TMEM132C: variants seen among roughly 807,000 people sequenced by gnomAD.
TMEM132C encodes protein phosphatase 1, regulatory subunit 152.
In TMEM132C, 29 loss-of-function variants were observed where a neutral mutation model predicts 61.4. The observed-to-expected ratio is 0.47, with a 90% CI of 0.35 to 0.64. The LOEUF is 0.64. Ranked by LOEUF, TMEM132C falls within the 30% of genes least tolerant of loss-of-function variation. The pLI is 0.00. For synonymous variants in TMEM132C, 656 were observed against 633.1 expected, an observed-to-expected ratio of 1.04 and a Z score of -0.54; for missense variants, 1,408 against 1,476.9, an observed-to-expected ratio of 0.95 and a Z score of 0.76.
At chr12:128,692,659 C>A (rs1424224196) in intron 5 of TMEM132C, among the ~76,000 whole-genome samples, 2 of 152,178 alleles carry the variant, frequency 1.3e-5, no homozygotes, top group Non-Finnish European at 2.9e-5. Context: ...TTACCGGTCA[C>A]AGTCCGCCCA....
At chr12:128,543,571 A>C (rs1873839253) in intron 2 of TMEM132C, among the ~76,000 whole-genome samples, 1 of 152,122 alleles carries the variant, frequency 6.6e-6, no homozygotes, top group South Asian at 2.1e-4. Flanking sequence ...CCACACACAC[A>C]GCCATGACAA....
intron 1 of TMEM132C, among the ~76,000 whole-genome samples, chr12:128,396,785 C>T (rs904632905): frequency 1.7e-4 from 26 of 152,160 alleles, no homozygotes; most frequent in Non-Finnish European, 3.1e-4. Flanking sequence ...GATTGGAGCC[C>T]GGTGGGCTGG....
intron 3 of TMEM132C, among the ~76,000 whole-genome samples, chr12:128,585,779 C>T (rs891121189): frequency 2.6e-5 from 4 of 152,188 alleles, no homozygotes; most frequent in Admixed American, 2.6e-4. Context: ...TCCATGAAAT[C>T]GGCCCGTCGC....
Position 128,444,887 on chromosome 12 carries a change from G to T in TMEM132C, c.974+29267G>T, listed in dbSNP as rs557922231. Among the ~76,000 whole-genome samples the T allele has an allele frequency of 1.7e-3, 266 of 152,270 alleles. 1 individual carries two copies. The highest frequency in any genetic ancestry group is 3.1e-3 in the Non-Finnish European group (211 of 68,022). On this transcript the variant is annotated intron_variant, in intron 2 of 8. Coordinates refer to ENST00000435159, the MANE Select transcript of TMEM132C (RefSeq NM_001136103.3). ...GAAGTGGTCTTAAGTCAAGACCAAA[G>T]AACTCATTAAGAAATTATATTTTTC...
At chr12:128,334,062 C>T (rs1015292056) in intron 1 of TMEM132C, among the ~76,000 whole-genome samples, 3 of 151,934 alleles carry the variant, frequency 2.0e-5, no homozygotes, top group Admixed American at 1.3e-4. Flanking sequence ...GGGAGAAGGC[C>T]GCGGATGCTC....
At chr12:128,271,143 A>T (rs1870500497) in intron 1 of TMEM132C, among the ~76,000 whole-genome samples, 1 of 151,882 alleles carries the variant, frequency 6.6e-6, no homozygotes, top group Admixed American at 6.6e-5. Context: ...AATCCCAGCT[A>T]CTCGGGAGAC....
intron 2 of TMEM132C, among the ~76,000 whole-genome samples, chr12:128,439,488 T>G (rs1281568211): frequency 6.6e-6 from 1 of 152,210 alleles, no homozygotes. Context: ...ATGTTAGACT[T>G]ATTATCCAGG....
intron 2 of TMEM132C, among the ~76,000 whole-genome samples, chr12:128,497,600 G>T (rs1461820757): frequency 6.6e-6 from 1 of 152,200 alleles, no homozygotes; most frequent in African/African-American, 2.4e-5. Flanking sequence ...AGCAACGAGC[G>T]AGGCTCCGTG....
intron 2 of TMEM132C, among the ~76,000 whole-genome samples, chr12:128,479,072 G>A (rs1871243213): frequency 6.6e-6 from 1 of 152,166 alleles, no homozygotes; most frequent in South Asian, 2.1e-4. Context: ...CAAGGACATG[G>A]ATGGAGCTGG....
intron 2 of TMEM132C, among the ~76,000 whole-genome samples, chr12:128,525,219 T>C (rs375548762): frequency 9.9e-5 from 15 of 152,206 alleles, no homozygotes; most frequent in African/African-American, 3.6e-4. Context: ...TTCCAAGCAC[T>C]CTATTCTAGC....
intron 1 of TMEM132C, among the ~76,000 whole-genome samples, chr12:128,268,820 G>A (rs1187436084): frequency 2.0e-5 from 3 of 149,526 alleles, no homozygotes; most frequent in African/African-American, 7.4e-5. Flanking sequence ...AGACAAGTTT[G>A]CTATGTTTTA....
intron 5 of TMEM132C, among the ~76,000 whole-genome samples, chr12:128,688,650 G>C (rs1954696010): frequency 6.6e-6 from 1 of 152,108 alleles, no homozygotes; most frequent in African/African-American, 2.4e-5. Context: ...AAAGCGTCTA[G>C]AACATCCAGG....
rs1322053108 is a variant in TMEM132C at position 128,278,345 on chromosome 12, T to C, written c.85+10858T>C. 6.6e-6 allele frequency among the ~76,000 whole-genome samples: 1 copy of C among 152,230 alleles called. No individual in the cohort carries two copies. The highest frequency in any genetic ancestry group is 1.5e-5 in the Non-Finnish European group (1 of 68,036). On this transcript the variant is annotated intron_variant, in intron 1 of 8. Transcript: ENST00000435159. The surrounding 1 kb of genome is among the most constrained non-coding windows in gnomAD (Gnocchi z 4.2). ...TTTTCCACTGTTTAATTGTAAGCAA[T>C]GAATTGACTGAGAGAGCAGACTTTT...
chr12:128,324,772 G>C (rs1872449996), intron 1 of TMEM132C, among the ~76,000 whole-genome samples: 1 of 152,070 alleles, frequency 6.6e-6, no homozygotes, highest in South Asian at 2.1e-4. Context: ...AGGCTGCAGT[G>C]AACCATGATT....
At chr12:128,382,376 G>A (rs977887433) in intron 1 of TMEM132C, among the ~76,000 whole-genome samples, 5 of 152,120 alleles carry the variant, frequency 3.3e-5, no homozygotes, top group African/African-American at 7.2e-5. Context: ...ATCAAAGATC[G>A]AGATAGCGCT....
intron 1 of TMEM132C, among the ~76,000 whole-genome samples, chr12:128,381,158 C>T (rs1194819540): frequency 5.9e-5 from 9 of 152,290 alleles, no homozygotes; most frequent in East Asian, 3.9e-4. Context: ...CAGTACAACG[C>T]GGGCATATTT....
chr12:128,486,876 A>AACACACACACACACACACAC (rs56407388), intron 2 of TMEM132C, among the ~76,000 whole-genome samples: 1 of 131,136 alleles, frequency 7.6e-6, no homozygotes, highest in African/African-American at 2.8e-5. Flanking sequence ...TGTGCATGCA[A>AACACACACACACACACACAC]ACACACACAC....
At chr12:128,524,406 C>T (rs1666518730) in intron 2 of TMEM132C, among the ~76,000 whole-genome samples, 2 of 152,178 alleles carry the variant, frequency 1.3e-5, no homozygotes, top group African/African-American at 4.8e-5. Context: ...CATGGCTTTT[C>T]TGCAGAGAGC....
At chr12:128,271,091 T>G (rs574927980) in intron 1 of TMEM132C, among the ~76,000 whole-genome samples, 2 of 151,888 alleles carry the variant, frequency 1.3e-5, no homozygotes, top group South Asian at 4.2e-4. Flanking sequence ...CCATCTCTAC[T>G]AAAAATACAA....
Sources: gnomAD v4.1 joint callset for allele counts (sites outside exome capture counted in the v4.1 genomes callset) on GRCh38, gnomAD v4.1.1 for gene constraint, Gnocchi (gnomAD v3.1) non-coding constraint, MANE v1.5 for transcripts, NCBI Gene and HGNC (gene_info 2026-07-23, HGNC 2026-07-21) for gene names.